CYP2C18: variants seen among roughly 807,000 people sequenced by gnomAD.
The protein encoded by CYP2C18 is cytochrome P450 family 2 subfamily C member 18.
Under a neutral mutation model 41.3 loss-of-function variants are expected in CYP2C18, and 38 were observed. The ratio of observed to expected loss-of-function variants is 0.92; its 90% CI spans 0.71 to 1.21. The LOEUF is 1.21. Ranked by LOEUF, CYP2C18 falls within the 50% of genes most tolerant of loss-of-function variation. The pLI is 0.00. For synonymous variants in CYP2C18, 236 were observed against 210.0 expected, an observed-to-expected ratio of 1.12 and a Z score of -1.07; for missense variants, 635 against 591.4, an observed-to-expected ratio of 1.07 and a Z score of -0.77.
chr10:94,708,093 G>A (rs117140172), intron 5 of CYP2C18, among the ~76,000 whole-genome samples: 3,292 of 152,288 alleles, frequency 0.022, 37 homozygotes, highest in Admixed American at 0.033. Flanking sequence ...ACAGCACTAG[G>A]TGGAAATGCA....
At chr10:94,722,712 A>G (rs1203649991) in intron 6 of CYP2C18, among the ~76,000 whole-genome samples, 2 of 152,178 alleles carry the variant, frequency 1.3e-5, no homozygotes, top group Non-Finnish European at 2.9e-5. Flanking sequence ...TTTTCTCCAC[A>G]GAAAAGGGAG....
At chr10:94,727,864 A>C (rs1847770028) in intron 7 of CYP2C18, among the ~76,000 whole-genome samples, 1 of 152,122 alleles carries the variant, frequency 6.6e-6, no homozygotes, top group Non-Finnish European at 1.5e-5. Flanking sequence ...CTACCTATGT[A>C]ATCTAATCTG....
intron 7 of CYP2C18, among the ~76,000 whole-genome samples, chr10:94,731,894 G>T (rs185879984): frequency 9.2e-5 from 14 of 152,172 alleles, no homozygotes; most frequent in African/African-American, 3.4e-4. Context: ...ACCATCCTGG[G>T]CATTGGCCTT....
intron 3 of CYP2C18, among the ~76,000 whole-genome samples, chr10:94,689,387 G>A (rs1209225460): frequency 6.6e-6 from 1 of 151,764 alleles, no homozygotes; most frequent in African/African-American, 2.4e-5. Flanking sequence ...TCAACATCTT[G>A]GGGATTTTGT....
At chr10:94,712,523 T>G (rs1422355069) in intron 5 of CYP2C18, among the ~76,000 whole-genome samples, 1 of 152,186 alleles carries the variant, frequency 6.6e-6, no homozygotes, top group Non-Finnish European at 1.5e-5. Flanking sequence ...ACAGAATTTC[T>G]TCATTTTTAA....
chr10:94,715,606 G>C (rs7917953), intron 5 of CYP2C18, among the ~76,000 whole-genome samples: 1 of 152,106 alleles, frequency 6.6e-6, no homozygotes, highest in African/African-American at 2.4e-5. Flanking sequence ...GAGGATTTTT[G>C]TATCGATGTG....
chr10:94,692,578 G>C (rs975833379), intron 3 of CYP2C18, among the ~76,000 whole-genome samples: 1 of 152,210 alleles, frequency 6.6e-6, no homozygotes, highest in Non-Finnish European at 1.5e-5. Context: ...TGGTGGGACT[G>C]TAAACTAGTT....
intron 5 of CYP2C18, among the ~76,000 whole-genome samples, chr10:94,719,966 C>T (rs1847621299): frequency 6.6e-6 from 1 of 152,086 alleles, no homozygotes; most frequent in Admixed American, 6.6e-5. Context: ...CCTGCCTTGG[C>T]ATCCCAAAGT....
intron 6 of CYP2C18, among the ~76,000 whole-genome samples, chr10:94,724,071 AT>A (rs1210733509): frequency 1.3e-5 from 2 of 151,782 alleles, no homozygotes; most frequent in African/African-American, 4.8e-5. Flanking sequence ...TGTACTAAAT[AT>A]TTATATTTTG....
chr10:94,728,124 C>T (rs888604455), intron 7 of CYP2C18, among the ~76,000 whole-genome samples: 7 of 151,994 alleles, frequency 4.6e-5, no homozygotes, highest in African/African-American at 9.7e-5. Context: ...TTCTTCATCA[C>T]GAACAGTTTT....
intron 5 of CYP2C18, among the ~76,000 whole-genome samples, chr10:94,719,912 T>C (rs2134202004): frequency 6.6e-6 from 1 of 151,730 alleles, no homozygotes; most frequent in African/African-American, 2.4e-5. Context: ...GGGGTCTCAC[T>C]TGTTGCCCAG....
At chr10:94,717,075 C>T (rs1292582557) in intron 5 of CYP2C18, among the ~76,000 whole-genome samples, 2 of 152,186 alleles carry the variant, frequency 1.3e-5, no homozygotes, top group South Asian at 4.2e-4. Flanking sequence ...CTGTGTGTGT[C>T]TCTGTATGTG....
rs190085273 is a variant in CYP2C18, at chr10:94,700,520, C to T, written c.642+5443C>T. On this transcript the variant is annotated intron_variant, in intron 4 of 8. Coordinates refer to ENST00000285979, the MANE Select transcript of CYP2C18 (RefSeq NM_000772.3). Reference sequence around the variant, plus strand: ...ATGTTAGACCTAAAACCATAAAAACCGTAGAAGAAAACCTAGGCAATACCA... The same window carrying T: ...ATGTTAGACCTAAAACCATAAAAACTGTAGAAGAAAACCTAGGCAATACCA... Among the ~76,000 whole-genome samples the T allele has an allele frequency of 9.2e-4, 140 of 152,224 alleles. 1 individual carries two copies. In the East Asian group the frequency reaches 0.014, roughly 15 times the overall value.
chr10:94,732,877 A>T (rs1308354552), intron 7 of CYP2C18, among the ~76,000 whole-genome samples: 1 of 152,092 alleles, frequency 6.6e-6, no homozygotes, highest in Non-Finnish European at 1.5e-5. Context: ...TGATGGAATT[A>T]TTTGTACCCT....
chr10:94,735,205 T>C, intron 8 of CYP2C18, 58 bp from the exon 9 acceptor site: 1 of 1,519,130 alleles, frequency 6.6e-7, no homozygotes. Flanking sequence ...GCATACTCTT[T>C]GTGACTGTTC....
At chr10:94,684,195 A>G (rs557883317) in intron 1 of CYP2C18, among the ~76,000 whole-genome samples, 1 of 152,298 alleles carries the variant, frequency 6.6e-6, no homozygotes, top group Non-Finnish European at 1.5e-5. Flanking sequence ...ATTTCTTTGT[A>G]GTGAGAACAT....
At chr10:94,723,827 A>G (rs953249722) in intron 6 of CYP2C18, among the ~76,000 whole-genome samples, 1 of 152,188 alleles carries the variant, frequency 6.6e-6, no homozygotes, top group Non-Finnish European at 1.5e-5. Context: ...ATATGAATAT[A>G]AACTTCAGAA....
chr10:94,707,417 G>A (rs1176927995), intron 5 of CYP2C18, among the ~76,000 whole-genome samples: 1 of 152,084 alleles, frequency 6.6e-6, no homozygotes, highest in Non-Finnish European at 1.5e-5. Context: ...AGGTTCAGAG[G>A]TGTGTGGTGG....
At chr10:94,720,575 A>G (rs768564602) in intron 6 of CYP2C18, 38 bp downstream of exon 6, 50 of 1,591,214 alleles carry the variant, frequency 3.1e-5, no homozygotes, top group Admixed American at 8.7e-5. Context: ...TGATTTTCAG[A>G]AAAGATGTTG....
Sources: gnomAD v4.1 joint callset for allele counts (sites outside exome capture counted in the v4.1 genomes callset) on GRCh38, gnomAD v4.1.1 for gene constraint, MANE v1.5 for transcripts, NCBI Gene and HGNC (gene_info 2026-07-23, HGNC 2026-07-21) for gene names.